ZNF69: variants seen among roughly 807,000 people sequenced by gnomAD.
The protein encoded by ZNF69 is ZNF3.
In ZNF69, 47 loss-of-function variants were observed where a neutral mutation model predicts 50.9. The observed-to-expected ratio is 0.92, with a 90% CI of 0.73 to 1.18. The LOEUF is 1.18. ZNF69 is among the 50% of genes most tolerant of loss of function. The pLI, the probability that ZNF69 is intolerant of heterozygous loss-of-function variation, is 0.00. For missense variants in ZNF69, 717 were observed against 675.1 expected, an observed-to-expected ratio of 1.06 and a Z score of -0.69; for synonymous variants, 216 against 223.1, an observed-to-expected ratio of 0.97 and a Z score of 0.29.
At chr19:11,978,684 A>G in the ZNF69 span, 1 of 1,614,190 alleles carries the variant, frequency 6.2e-7, no homozygotes, top group African/African-American at 1.3e-5. Context: ...CACTGGAGAA[A>G]AGCCTTATGA....
At chr19:11,940,878 AG>A in the ZNF69 span, among the ~76,000 whole-genome samples, 1 of 152,142 alleles carries the variant, frequency 6.6e-6, no homozygotes, top group Non-Finnish European at 1.5e-5. Flanking sequence ...AGGTTCTCCA[AG>A]GCCCCACCAG....
the ZNF69 span, among the ~76,000 whole-genome samples, chr19:11,958,984 GC>G: frequency 1.5e-3 from 225 of 152,288 alleles, no homozygotes; most frequent in Non-Finnish European, 2.5e-3. Flanking sequence ...CCAGGTTCAA[GC>G]GATTCTCTTT....
intron 1 of ZNF69, among the ~76,000 whole-genome samples, chr19:11,895,533 G>A (rs1394096953): frequency 1.3e-5 from 2 of 152,216 alleles, no homozygotes; most frequent in African/African-American, 4.8e-5. Flanking sequence ...GGGTGTAAGG[G>A]TCAGTGGTAC....
At chr19:11,957,626 C>T in the ZNF69 span, among the ~76,000 whole-genome samples, 1 of 152,070 alleles carries the variant, frequency 6.6e-6, no homozygotes, top group African/African-American at 2.4e-5. Flanking sequence ...GGGCAGATCA[C>T]TTGAGATCAG....
exon 5 of ZNF69, chr19:11,913,507 G>A: frequency 2.3e-6 from 1 of 439,890 alleles, no homozygotes; most frequent in Non-Finnish European, 4.2e-6. Context: ...TCCTGCTTCA[G>A]CCTCCTGAGT....
chr19:11,895,372 A>G (rs940879330), intron 1 of ZNF69, among the ~76,000 whole-genome samples: 3 of 152,234 alleles, frequency 2.0e-5, no homozygotes, highest in African/African-American at 7.2e-5. Flanking sequence ...CAAGACAGAC[A>G]GGGACCTGTG....
Position 11,906,134 on chromosome 19 carries a change from G to C in ZNF69, c.*36G>C. ...TCAGATCTGCCTCACACCTTTGAATGCATGGTAGGACACACAATCAAGAGA... is the reference window on the plus strand; with the variant it reads ...TCAGATCTGCCTCACACCTTTGAATCCATGGTAGGACACACAATCAAGAGA... On this transcript the variant is annotated 3_prime_UTR_variant, in exon 4 of 4. Transcript: ENST00000429654. The C allele has an allele frequency of 6.2e-7, 1 of 1,600,200 alleles. No homozygotes were observed. Among genetic ancestry groups the C allele is most frequent in the Middle Eastern group, 1.7e-4 (1 of 5,982 alleles).
At chr19:11,975,971 G>T in the ZNF69 span, among the ~76,000 whole-genome samples, 2 of 150,844 alleles carry the variant, frequency 1.3e-5, no homozygotes. Flanking sequence ...GCTACACTCT[G>T]ACAGGATAAC....
At chr19:11,952,698 T>C in the ZNF69 span, among the ~76,000 whole-genome samples, 1 of 152,162 alleles carries the variant, frequency 6.6e-6, no homozygotes, top group Non-Finnish European at 1.5e-5. Flanking sequence ...AGATAATGCA[T>C]CCTCATCAGT....
the ZNF69 span, chr19:11,948,248 T>G: frequency 6.2e-7 from 1 of 1,603,974 alleles, no homozygotes; most frequent in Non-Finnish European, 8.5e-7. Context: ...AAACAAACCC[T>G]TCATGATGTG....
chr19:11,946,983 T>A, the ZNF69 span: 1 of 1,047,010 alleles, frequency 9.6e-7, no homozygotes, highest in Non-Finnish European at 1.3e-6. Flanking sequence ...AGTGAAACTC[T>A]GTCTCAAAAA....
chr19:11,903,837 A>G (rs1225331395), intron 2 of ZNF69, 68 bp from the exon 3 acceptor site: 32 of 1,605,852 alleles, frequency 2.0e-5, no homozygotes, highest in South Asian at 4.5e-5. Flanking sequence ...AATCATGGGC[A>G]TAGAATCTAA....
downstream of ZNF69, among the ~76,000 whole-genome samples, chr19:11,918,784 T>G (rs1473341625): frequency 1.3e-5 from 2 of 152,136 alleles, no homozygotes; most frequent in East Asian, 3.9e-4. Flanking sequence ...AACCAAGATA[T>G]CTGTACATGT....
chr19:11,974,476 G>A, the ZNF69 span, among the ~76,000 whole-genome samples: 5 of 152,022 alleles, frequency 3.3e-5, no homozygotes, highest in South Asian at 8.3e-4. Flanking sequence ...AATTATAGGT[G>A]TGAGCCACTG....
At chr19:11,965,215 C>G in the ZNF69 span, 14 of 1,614,012 alleles carry the variant, frequency 8.7e-6, no homozygotes, top group South Asian at 1.1e-4. Flanking sequence ...GGAAATGGTG[C>G]GTGTGCATAG....
At chr19:11,952,247 A>T in the ZNF69 span, among the ~76,000 whole-genome samples, 6 of 152,212 alleles carry the variant, frequency 3.9e-5, no homozygotes, top group African/African-American at 1.4e-4. Context: ...GTTTTGCCTT[A>T]CTTATTCTCT....
the ZNF69 span, among the ~76,000 whole-genome samples, chr19:11,941,195 C>G: frequency 6.6e-6 from 1 of 152,264 alleles, no homozygotes; most frequent in Admixed American, 6.5e-5. Context: ...TAAAGTTTCT[C>G]CACGTCCCCA....
At chr19:11,912,811 C>T (rs1972476737) in intron 4 of ZNF69, among the ~76,000 whole-genome samples, 1 of 152,164 alleles carries the variant, frequency 6.6e-6, no homozygotes, top group Admixed American at 6.5e-5. Context: ...AGCATTCAGA[C>T]CTGACAAGAT....
the ZNF69 span, chr19:11,956,666 G>T: frequency 5.0e-6 from 2 of 396,568 alleles, no homozygotes. Context: ...TACCAACCTG[G>T]CCAAAATGGC....
Sources: gnomAD v4.1 joint callset for allele counts (sites outside exome capture counted in the v4.1 genomes callset) on GRCh38, gnomAD v4.1.1 for gene constraint, MANE v1.5 for transcripts, NCBI Gene and HGNC (gene_info 2026-07-23, HGNC 2026-07-21) for gene names.